The following DYNC2LI1 variants were observed in gnomAD, a reference collection of about 807,000 sequenced individuals.
The protein encoded by DYNC2LI1 is dynein cytoplasmic 2 light intermediate chain 1.
In DYNC2LI1, 45 loss-of-function variants were observed where a neutral mutation model predicts 51.9. That is an observed-to-expected ratio of 0.87 (90% CI 0.68 to 1.11). The LOEUF (loss-of-function observed/expected upper bound fraction) is 1.11. Ranked by LOEUF, DYNC2LI1 falls within the 50% of genes most tolerant of loss-of-function variation. DYNC2LI1 has a pLI of 0.00. For synonymous variants in DYNC2LI1, 130 were observed against 137.8 expected, an observed-to-expected ratio of 0.94 and a Z score of 0.40; for missense variants, 490 against 417.4, an observed-to-expected ratio of 1.17 and a Z score of -1.51.
In DYNC2LI1 at chr2:43,800,890, A is replaced by G. The variant is rs1450681413; in HGVS notation, c.704A>G (p.Asn235Ser). The change falls in exon 9 of 13, where the codon AAC (asparagine) becomes AGC (serine). Residue 235 changes from asparagine (N) to serine (S), a missense_variant. Asn to Ser is a conservative substitution (Grantham distance 46). Transcript: ENST00000260605. ...TTACTAAAAATACGTGGAGTTATCA[A>G]CCAGTTGGCATTTGGCATTGACAAA... ...ALLLKIRGVI[N>S]QLAFGIDKSK... is the part of the protein sequence containing the mutation. 5.6e-6 allele frequency: 9 copies of G among 1,605,312 alleles called. No homozygotes were observed. The highest frequency in any genetic ancestry group is 7.7e-6 in the Non-Finnish European group (9 of 1,175,214).
chr2:43,777,551 A>G (rs1218447368), intron 2 of DYNC2LI1, among the ~76,000 whole-genome samples: 1 of 152,274 alleles, frequency 6.6e-6, no homozygotes, highest in Non-Finnish European at 1.5e-5. Flanking sequence ...GGCTTGCCAG[A>G]TGCAAGATGC....
intron 1 of DYNC2LI1, 88 bp downstream of exon 1, chr2:43,774,234 T>C (rs953978596): frequency 1.6e-5 from 25 of 1,567,542 alleles, no homozygotes; most frequent in Non-Finnish European, 1.9e-5. Context: ...TGTTGGAAGA[T>C]TGTGGGGGTG....
Position 43,808,859 on chromosome 2 carries a change from G to A in DYNC2LI1, c.994-846G>A, listed in dbSNP as rs140085499. Reference sequence around the variant, plus strand: ...CTGGGGGACATCAAAGTTGTTTCCAGTTGTGCTGAGACAGAGCAATGGGTT... The same window carrying A: ...CTGGGGGACATCAAAGTTGTTTCCAATTGTGCTGAGACAGAGCAATGGGTT... On this transcript the variant is annotated intron_variant, in intron 12 of 12. Coordinates refer to ENST00000260605, the MANE Select transcript of DYNC2LI1 (RefSeq NM_016008.4). 3.6e-3 allele frequency among the ~76,000 whole-genome samples: 547 copies of A among 152,180 alleles called. 3 individuals are homozygous for A. The highest frequency in any genetic ancestry group is 6.0e-3 in the Non-Finnish European group (411 of 67,996).
chr2:43,809,101 A>C (rs1294360537), intron 12 of DYNC2LI1, among the ~76,000 whole-genome samples: 3 of 151,712 alleles, frequency 2.0e-5, no homozygotes, highest in African/African-American at 7.3e-5. Context: ...CGATCCTCCC[A>C]CCTCAGACTC....
At chr2:43,800,453 C>G (rs17031580) in intron 8 of DYNC2LI1, among the ~76,000 whole-genome samples, 2,058 of 152,234 alleles carry the variant, frequency 0.014, 57 homozygotes, top group African/African-American at 0.046. Flanking sequence ...TATTTTCTAA[C>G]CAACCCAACT....
In DYNC2LI1 at chr2:43,776,823, G is replaced by C. The variant is rs778987748; in HGVS notation, c.50G>C (p.Arg17Thr). ...WEIAKAEVEK[R>T]GINGSEGDGA... ...ATTGCAAAAGCTGAAGTGGAAAAAA[G>C]GGGAATTAATGGAAGTGAAGGTGAT... Residue 17 changes from arginine to threonine, a missense_variant, in exon 2 of 13, where the codon AGG becomes ACG. Transcript: ENST00000260605. 10 of 1,600,822 alleles carry C rather than the reference G, an allele frequency of 6.2e-6. No homozygotes were observed. The highest frequency in any genetic ancestry group is 3.4e-5 in the Admixed American group (2 of 58,148).
chr2:43,776,633 C>G (rs1343548003), intron 1 of DYNC2LI1, 149 bp from the exon 2 acceptor site: 2 of 541,536 alleles, frequency 3.7e-6, no homozygotes, highest in Non-Finnish European at 6.6e-6. Context: ...AATGACTAAT[C>G]CTCAGATGTT....
At chr2:43,810,359 A>T, downstream of DYNC2LI1, 1 of 985,274 alleles carries the variant, frequency 1.0e-6, no homozygotes, top group Non-Finnish European at 1.2e-6. Flanking sequence ...ATTTATTTTA[A>T]ATACCACTTT....
intron 1 of DYNC2LI1, 74 bp downstream of exon 1, chr2:43,774,220 C>T (rs1389063786): frequency 7.5e-6 from 12 of 1,593,002 alleles, no homozygotes; most frequent in Non-Finnish European, 9.4e-6. Context: ...CAGGCGGGAC[C>T]AGCTGTTGGA....
chr2:43,828,042 C>A, the DYNC2LI1 span: 2 of 1,613,982 alleles, frequency 1.2e-6, no homozygotes, highest in Non-Finnish European at 1.7e-6. Flanking sequence ...CGTGGAAATG[C>A]CCCCCAAGCT....
chr2:43,813,433 AGT>A, downstream of DYNC2LI1: 1 of 734,242 alleles, frequency 1.4e-6, no homozygotes, highest in South Asian at 1.5e-5. Flanking sequence ...GCAAGCCCAG[AGT>A]TTACAATTTG....
chr2:43,810,837 T>G (rs143422395), downstream of DYNC2LI1, among the ~76,000 whole-genome samples: 1,637 of 152,292 alleles, frequency 0.011, 16 homozygotes, highest in Middle Eastern at 0.024. Flanking sequence ...CATTATGATC[T>G]CAGAAACATC....
chr2:43,792,851 A>AT, intron 5 of DYNC2LI1: 1 of 1,474,118 alleles, frequency 6.8e-7, no homozygotes, highest in South Asian at 1.4e-5. Flanking sequence ...CTAAGGCTAA[A>AT]TAATGTTCCA....
chr2:43,813,983 T>C (rs539104019), downstream of DYNC2LI1, among the ~76,000 whole-genome samples: 126 of 152,262 alleles, frequency 8.3e-4, no homozygotes, highest in Non-Finnish European at 1.4e-3. Context: ...CCCAAAGTGC[T>C]GGGATTACAG....
At chr2:43,816,733 G>GA in the DYNC2LI1 span, among the ~76,000 whole-genome samples, 14 of 151,908 alleles carry the variant, frequency 9.2e-5, no homozygotes, top group South Asian at 1.9e-3. Context: ...TGTTAAATGG[G>GA]AAAAAAAGTA....
At chr2:43,826,377 C>G in the DYNC2LI1 span, 2 of 1,613,982 alleles carry the variant, frequency 1.2e-6, no homozygotes, top group South Asian at 1.1e-5. Context: ...AGTTGAACCT[C>G]TTACCTGAAA....
the DYNC2LI1 span, chr2:43,824,769 T>C: frequency 6.6e-7 from 1 of 1,506,142 alleles, no homozygotes; most frequent in South Asian, 1.2e-5. Flanking sequence ...CCTTGAAGAG[T>C]ATAAAACACA....
the DYNC2LI1 span, chr2:43,827,959 G>T: frequency 6.2e-7 from 1 of 1,613,562 alleles, no homozygotes; most frequent in Non-Finnish European, 8.5e-7. Flanking sequence ...ACAGCAGCTA[G>T]TAACAGTTCT....
chr2:43,813,427 G>T (rs1666590970), downstream of DYNC2LI1: 16 of 743,800 alleles, frequency 2.2e-5, no homozygotes, highest in Non-Finnish European at 1.4e-5. Flanking sequence ...ACTTTAGCAA[G>T]CCCAGAGTTT....
Sources: allele counts gnomAD v4.1 joint callset (sites outside exome capture counted in the v4.1 genomes callset), GRCh38; gene constraint gnomAD v4.1.1; transcripts MANE v1.5; gene names NCBI Gene and HGNC (gene_info 2026-07-23, HGNC 2026-07-21).